BIRC6: variants seen among roughly 807,000 people sequenced by gnomAD.
The protein encoded by BIRC6 is dual E2 ubiquitin-conjugating enzyme/E3 ubiquitin-protein ligase BIRC6.
In BIRC6, 98 loss-of-function variants were observed where a neutral mutation model predicts 503.3. That is an observed-to-expected ratio of 0.19 (90% CI 0.17 to 0.23). The LOEUF is 0.23. Ranked by LOEUF, BIRC6 falls within the 10% of genes least tolerant of loss-of-function variation. BIRC6 has a pLI of 1.00. For synonymous variants in BIRC6, 2,240 were observed against 2,078.7 expected (o/e 1.08, Z -2.11); for missense variants, 5,360 against 5,806.0 (o/e 0.92, Z 2.50).
intron 37 of BIRC6, among the ~76,000 whole-genome samples, chr2:32,480,672 G>A (rs1558848985): frequency 1.1e-5 from 1 of 90,874 alleles, no homozygotes. Flanking sequence ...ACGGAGTCTT[G>A]CTCTTGTCAC....
chr2:32,437,698 T>G (rs1432395643), intron 15 of BIRC6, among the ~76,000 whole-genome samples: 1 of 152,206 alleles, frequency 6.6e-6, no homozygotes, highest in African/African-American at 2.4e-5. Context: ...GAGCATTTCC[T>G]TTTAGCATCA....
chr2:32,485,448 A>G (rs866391300), intron 39 of BIRC6, among the ~76,000 whole-genome samples, 195 bp from the exon 40 acceptor site: 43 of 152,104 alleles, frequency 2.8e-4, no homozygotes, highest in African/African-American at 9.7e-4. Flanking sequence ...CTATATAACC[A>G]ATCGCCTGTC....
At chr2:32,575,074 C>A in intron 65 of BIRC6, 82 bp from the exon 66 acceptor site, 2 of 1,450,076 alleles carry the variant, frequency 1.4e-6, no homozygotes, top group South Asian at 1.2e-5. Flanking sequence ...TTGGTAAGAT[C>A]CAGGTAAAAG....
intron 20 of BIRC6, among the ~76,000 whole-genome samples, chr2:32,443,959 A>C (rs940220180): frequency 2.6e-5 from 4 of 151,924 alleles, no homozygotes; most frequent in African/African-American, 9.7e-5. Flanking sequence ...TCCAGGTGTC[A>C]TTGCACATGC....
intron 20 of BIRC6, among the ~76,000 whole-genome samples, chr2:32,443,997 A>G (rs1377520801): frequency 6.7e-6 from 1 of 150,158 alleles, no homozygotes; most frequent in South Asian, 2.1e-4. Context: ...GGTAGGGACT[A>G]TGGCAAACTG....
intron 65 of BIRC6, among the ~76,000 whole-genome samples, chr2:32,560,970 C>T (rs1399431729): frequency 1.3e-5 from 2 of 151,810 alleles, no homozygotes; most frequent in African/African-American, 4.8e-5. Flanking sequence ...GAGGCCGAGG[C>T]GGGTGGATCA....
rs1305478814 is a variant in BIRC6 at position 32,547,843 on chromosome 2, T to C, written c.12811-7T>C. On this transcript the variant is annotated splice_polypyrimidine_tract_variant and splice_region_variant and intron_variant, in intron 63 of 73. Coordinates refer to ENST00000421745, the MANE Select transcript of BIRC6 (RefSeq NM_016252.4). ...TGTAATGGATTTTCATTTTTTGTTA[T>C]TTTAAGCCACAGGTGTCAAGCTCTC... The C allele has an allele frequency of 1.3e-6, 2 of 1,545,192 alleles. No individual in the cohort carries two copies. Among genetic ancestry groups the C allele is most frequent in the African/African-American group, 1.4e-5 (1 of 71,534 alleles).
Position 32,543,324 on chromosome 2 carries a change from A to G in BIRC6, c.12375A>G (p.Ser4125=), listed in dbSNP as rs754554398. ...TTGAATGGGTGACCATTGAACAGTC[A>G]GGGGAGTTAGTTTATGAAGCACCAG... ...DQFEWVTIEQ[S]GELVYEAPET... The change falls in exon 62 of 74, where the codon TCA becomes TCG. Residue 4125 remains serine (S), a synonymous_variant. Transcript: ENST00000421745. 13 of 1,614,018 alleles carry G rather than the reference A, an allele frequency of 8.1e-6. No individual in the cohort carries two copies. In the Admixed American group the frequency reaches 8.3e-5, roughly 10 times the overall value.
chr2:32,471,672 A>G (rs1297328422), intron 32 of BIRC6, among the ~76,000 whole-genome samples: 1 of 151,950 alleles, frequency 6.6e-6, no homozygotes, highest in East Asian at 1.9e-4. Flanking sequence ...AAGGCTTTTT[A>G]TTTTTCTTTA....
Position 32,529,794 on chromosome 2 carries a change from G to T in BIRC6, c.12064G>T (p.Asp4022Tyr). ...VITDPSLSKT[D>Y]SYKRLHPEKD... ...AACAGACCCCAGTCTATCAAAAACA[G>T]ATTCTTATAAAAGACTACACCCTGA... Residue 4022 changes from aspartate (D) to tyrosine (Y), a missense_variant, in exon 60 of 74, where the codon GAT becomes TAT. Physicochemically the swap from Asp to Tyr is radical, Grantham distance 160. Transcript: ENST00000421745. 1 of 1,611,150 alleles carries T rather than the reference G, an allele frequency of 6.2e-7. No homozygotes were observed. The highest frequency in any genetic ancestry group is 8.5e-7 in the Non-Finnish European group (1 of 1,178,560).
chr2:32,396,764 C>T (rs1558614576), intron 6 of BIRC6, among the ~76,000 whole-genome samples: 1 of 152,112 alleles, frequency 6.6e-6, no homozygotes, highest in Non-Finnish European at 1.5e-5. Context: ...TGCTCTGTTG[C>T]CCAGACTGGA....
chr2:32,580,838 T>A (rs1053814092), intron 66 of BIRC6, among the ~76,000 whole-genome samples: 8 of 152,148 alleles, frequency 5.3e-5, no homozygotes, highest in African/African-American at 1.9e-4. Context: ...TAATAGATAG[T>A]TAGTTTCCAG....
At chr2:32,377,211 A>ATGTGTGTGTGTGTG (rs1288542523) in intron 1 of BIRC6, among the ~76,000 whole-genome samples, 2 of 138,218 alleles carry the variant, frequency 1.4e-5, no homozygotes, top group Admixed American at 1.4e-4. Flanking sequence ...CCCTTAATAT[A>ATGTGTGTGTGTGTG]TATGTGTGTG....
chr2:32,515,642 GCTT>G lies in BIRC6; in HGVS notation c.11224_11226del (p.Ser3742del). On this transcript the variant is annotated inframe_deletion, in exon 55 of 74. Coordinates refer to ENST00000421745, the MANE Select transcript of BIRC6 (RefSeq NM_016252.4). The stretch of plus-strand genomic sequence containing the variant: ...TGCACAACAGACCAGTGCAAGATCA[GCTT>G]CTCTTTCTTCAGCTGCTACAACAGG... The G allele has an allele frequency of 6.2e-7, 1 of 1,612,032 alleles. No homozygotes were observed. Among genetic ancestry groups the G allele is most frequent in the South Asian group, 1.1e-5 (1 of 91,088 alleles).
chr2:32,391,277 T>C (rs1297868030), intron 4 of BIRC6, among the ~76,000 whole-genome samples: 2 of 152,202 alleles, frequency 1.3e-5, no homozygotes, highest in African/African-American at 4.8e-5. Context: ...CTGTGGTGTT[T>C]TTTTCATTAA....
rs534923804 is a variant in BIRC6, at chr2:32,617,732, C to A, written c.14402C>A (p.Thr4801Asn). 1.7e-5 allele frequency: 28 copies of A among 1,613,758 alleles called. No individual in the cohort carries two copies. The highest frequency in any genetic ancestry group is 2.4e-5 in the Non-Finnish European group (28 of 1,179,782). The stretch of plus-strand genomic sequence containing the variant: ...TCCTTTTCTCCTGCATAGCGTCACA[C>A]TGCTCAGCTCCGCGAAGAGTTGCTG... ...SHHAAALKRH[T>N]AQLREELLKL... Residue 4801 changes from threonine to asparagine, a missense_variant, in exon 74 of 74, where the codon ACT (threonine) becomes AAT (asparagine). By Grantham distance (65) the Thr-to-Asn change is moderately conservative. This residue lies in a region of BIRC6 where 140 missense variants were observed against 130.2 expected (regional missense o/e 1.07). Transcript: ENST00000421745.
At chr2:32,464,006 G>A (rs571533643) in intron 24 of BIRC6, among the ~76,000 whole-genome samples, 1 of 152,276 alleles carries the variant, frequency 6.6e-6, no homozygotes, top group South Asian at 2.1e-4. Context: ...AGAGTCTAAT[G>A]CCTGATGATC....
At chr2:32,391,827 A>T (rs1558601444) in intron 4 of BIRC6, among the ~76,000 whole-genome samples, 1 of 152,254 alleles carries the variant, frequency 6.6e-6, no homozygotes, top group East Asian at 1.9e-4. Context: ...TATCAACTGC[A>T]GCCACCAATC....
Position 32,468,676 on chromosome 2 carries a change from A to G in BIRC6, c.6020A>G (p.Glu2007Gly). 6.2e-7 allele frequency: 1 copy of G among 1,613,976 alleles called. No individual in the cohort carries two copies. The highest frequency in any genetic ancestry group is 8.5e-7 in the Non-Finnish European group (1 of 1,179,826). The change falls in exon 29 of 74, where the codon GAA becomes GGA. Residue 2007 changes from glutamate to glycine, a missense_variant. Glu to Gly is a moderately conservative substitution (Grantham distance 98). Around this residue, in one of 16 missense-constraint regions of BIRC6, gnomAD observed 2,299 missense variants for 2,267.2 expected, o/e 1.01. Transcript: ENST00000421745. ...ALGASRKMLS[E>G]TSNPEDLIQT... ...GGTGCAAGCCGGAAGATGTTGAGTG[A>G]AACATCAAATCCAGAAGATTTAATT...
Sources: allele counts gnomAD v4.1 joint callset (sites outside exome capture counted in the v4.1 genomes callset), GRCh38; gene constraint gnomAD v4.1.1; regional missense constraint gnomAD v4.1.1; transcripts MANE v1.5; gene names NCBI Gene and HGNC (gene_info 2026-07-23, HGNC 2026-07-21).